RBFOX1: variants seen among roughly 807,000 people sequenced by gnomAD.
The protein encoded by RBFOX1 is RNA binding protein fox-1 homolog 1.
A neutral mutation model predicts 57.7 loss-of-function variants in RBFOX1; 8 were observed. The ratio of observed to expected loss-of-function variants is 0.14; its 90% CI spans 0.08 to 0.25. RBFOX1 has a LOEUF of 0.25. Ranked by LOEUF, RBFOX1 falls within the 10% of genes least tolerant of loss-of-function variation. RBFOX1 has a pLI of 1.00. For missense variants in RBFOX1, 611 were observed against 548.5 expected, an observed-to-expected ratio of 1.11 and a Z score of -1.14; for synonymous variants, 326 against 222.4, an observed-to-expected ratio of 1.47 and a Z score of -4.15.
chr16:6,584,057 C>T (rs190826470), intron 2 of RBFOX1, among the ~76,000 whole-genome samples: 60 of 149,632 alleles, frequency 4.0e-4, no homozygotes, highest in Non-Finnish European at 7.1e-4. Flanking sequence ...GTTCTTTTAA[C>T]AATAATAAAG....
At chr16:6,472,007 C>T (rs1381734608) in intron 2 of RBFOX1, among the ~76,000 whole-genome samples, 1 of 152,206 alleles carries the variant, frequency 6.6e-6, no homozygotes, top group Non-Finnish European at 1.5e-5. Context: ...CCTTGTCTCT[C>T]CACCTCTATT....
chr16:7,628,561 G>A (rs2060439107), intron 10 of RBFOX1, among the ~76,000 whole-genome samples: 1 of 152,022 alleles, frequency 6.6e-6, no homozygotes, highest in South Asian at 2.1e-4. Context: ...TGCTAAAACT[G>A]GAAATACCTG....
At chr16:7,708,276 G>T (rs1369075614) in intron 14 of RBFOX1, among the ~76,000 whole-genome samples, 1 of 152,078 alleles carries the variant, frequency 6.6e-6, no homozygotes, top group Non-Finnish European at 1.5e-5. Flanking sequence ...CAGATATTTA[G>T]TAGGCATTCA....
At chr16:5,311,442 T>C (rs574845663) in intron 1 of RBFOX1, among the ~76,000 whole-genome samples, 3 of 152,172 alleles carry the variant, frequency 2.0e-5, no homozygotes, top group South Asian at 4.2e-4. Flanking sequence ...AATTGAGTGA[T>C]AGATCTACAT....
At chr16:6,162,999 G>T (rs1178453840) in intron 1 of RBFOX1, among the ~76,000 whole-genome samples, 2 of 152,152 alleles carry the variant, frequency 1.3e-5, no homozygotes, top group African/African-American at 4.8e-5. Flanking sequence ...TTCCCAAAGT[G>T]CTGGGGTTGC....
At chr16:6,759,400 C>T (rs759281794) in intron 3 of RBFOX1, among the ~76,000 whole-genome samples, 7 of 152,004 alleles carry the variant, frequency 4.6e-5, no homozygotes, top group Non-Finnish European at 1.0e-4. Context: ...ATCTGCCTGC[C>T]TCAGCCTCCC....
intron 2 of RBFOX1, among the ~76,000 whole-genome samples, chr16:6,625,252 G>A (rs894208258): frequency 2.7e-4 from 40 of 149,054 alleles, no homozygotes; most frequent in Non-Finnish European, 4.9e-4. Context: ...TTATTTAATT[G>A]CAGTTGAGTT....
chr16:5,899,792 G>T (rs1359938156), intron 4 of RBFOX1, among the ~76,000 whole-genome samples: 2 of 152,206 alleles, frequency 1.3e-5, no homozygotes, highest in African/African-American at 4.8e-5. Context: ...TTCCTTTGAT[G>T]GCCCGGCATG....
intron 4 of RBFOX1, among the ~76,000 whole-genome samples, chr16:7,514,703 T>G (rs974140092): frequency 6.6e-6 from 1 of 152,072 alleles, no homozygotes; most frequent in African/African-American, 2.4e-5. Flanking sequence ...TGTGAAGACT[T>G]GATGGGGTTG....
At chr16:7,194,864 G>A (rs780796228) in intron 4 of RBFOX1, among the ~76,000 whole-genome samples, 14 of 149,296 alleles carry the variant, frequency 9.4e-5, no homozygotes, top group Non-Finnish European at 1.8e-4. Flanking sequence ...GGAGGCAGAG[G>A]TTGCTGTGAG....
chr16:6,800,998 A>G (rs1004297535), intron 3 of RBFOX1, among the ~76,000 whole-genome samples: 35 of 152,258 alleles, frequency 2.3e-4, no homozygotes, highest in Middle Eastern at 3.4e-3. Context: ...TGTTTGTTCA[A>G]TAAATGAAAA....
chr16:5,856,335 TTA>T (rs55763325), intron 3 of RBFOX1, among the ~76,000 whole-genome samples: 82,413 of 103,218 alleles, frequency 0.8, 33,496 homozygotes, highest in Admixed American at 0.86. Context: ...AACTGTTATA[TTA>T]TATATATATA....
intron 1 of RBFOX1, among the ~76,000 whole-genome samples, chr16:6,245,851 T>C (rs192341725): frequency 6.6e-6 from 1 of 152,332 alleles, no homozygotes; most frequent in Non-Finnish European, 1.5e-5. Context: ...CCTGCCTTCA[T>C]CAGGATCTCC....
At chr16:6,158,658 G>C (rs1567583011) in intron 1 of RBFOX1, among the ~76,000 whole-genome samples, 2 of 152,298 alleles carry the variant, frequency 1.3e-5, no homozygotes, top group African/African-American at 2.4e-5. Flanking sequence ...GGATGACAGA[G>C]AAAAAGTCAG....
At chr16:6,436,933 G>A (rs935187790) in intron 2 of RBFOX1, among the ~76,000 whole-genome samples, 7 of 152,140 alleles carry the variant, frequency 4.6e-5, no homozygotes, top group Non-Finnish European at 2.9e-5. Flanking sequence ...TCCAGTCGAT[G>A]GGCATAGACA....
At chr16:5,700,863 G>C (rs1158357767) in intron 3 of RBFOX1, among the ~76,000 whole-genome samples, 5 of 152,192 alleles carry the variant, frequency 3.3e-5, no homozygotes, top group African/African-American at 1.2e-4. Flanking sequence ...AGGCTGGCCA[G>C]TTGTAGGTCA....
chr16:6,801,572 T>C, intron 3 of RBFOX1, among the ~76,000 whole-genome samples: 1 of 151,846 alleles, frequency 6.6e-6, no homozygotes, highest in East Asian at 1.9e-4. Flanking sequence ...AGGAAGCCCA[T>C]AATTGGGGTG....
chr16:5,492,777 G>A (rs1364610815), intron 2 of RBFOX1, among the ~76,000 whole-genome samples: 1 of 152,230 alleles, frequency 6.6e-6, no homozygotes, highest in Admixed American at 6.5e-5. Context: ...GTGAAAGAAA[G>A]TCATGAATAT....
chr16:6,841,465 C>A (rs748656924), intron 3 of RBFOX1, among the ~76,000 whole-genome samples: 3 of 152,124 alleles, frequency 2.0e-5, no homozygotes, highest in Non-Finnish European at 2.9e-5. Flanking sequence ...AACCCTCATG[C>A]AACCTGAGTG....
Sources: allele counts gnomAD v4.1 joint callset (sites outside exome capture counted in the v4.1 genomes callset), GRCh38; gene constraint gnomAD v4.1.1; transcripts MANE v1.5; gene names NCBI Gene and HGNC (gene_info 2026-07-23, HGNC 2026-07-21).